Variants in NHSL3 observed in about 807,000 individuals in gnomAD.
The protein encoded by NHSL3 is NHS like 3, also known as NHS-like protein 3.
the NHSL3 span, chr1:32,770,108 C>T: frequency 3.4e-5 from 53 of 1,556,652 alleles, no homozygotes; most frequent in East Asian, 9.0e-5. The surrounding 1 kb of genome is among the most constrained non-coding windows in gnomAD (Gnocchi z 8.3). Context: ...GGCCGGTCCA[C>T]GGGTACCCGG....
chr1:32,751,378 C>T, the NHSL3 span, among the ~76,000 whole-genome samples: 3 of 152,196 alleles, frequency 2.0e-5, no homozygotes, highest in Non-Finnish European at 4.4e-5. Flanking sequence ...CTACAAGCCC[C>T]ACCATCTCCA....
chr1:32,742,132 G>T, the NHSL3 span: 7 of 1,244,498 alleles, frequency 5.6e-6, no homozygotes, highest in Admixed American at 4.2e-5. Context: ...CGAACCGGCC[G>T]CCCCCCGGGC....
chr1:32,754,843 A>G, the NHSL3 span, among the ~76,000 whole-genome samples: 3 of 152,080 alleles, frequency 2.0e-5, no homozygotes, highest in Non-Finnish European at 4.4e-5. Flanking sequence ...GACCGCCTCC[A>G]TCTGGCGCGA....
chr1:32,756,607 C>T, the NHSL3 span, among the ~76,000 whole-genome samples: 3 of 145,474 alleles, frequency 2.1e-5, no homozygotes, highest in Non-Finnish European at 3.0e-5. Flanking sequence ...TGCAGTGAGC[C>T]GATCGTGCCA....
At chr1:32,749,067 G>C in the NHSL3 span, among the ~76,000 whole-genome samples, 3 of 152,150 alleles carry the variant, frequency 2.0e-5, no homozygotes, top group African/African-American at 7.2e-5. Context: ...TGTATAGGGG[G>C]GAAAATACGC....
At chr1:32,748,577 G>T in the NHSL3 span, among the ~76,000 whole-genome samples, 1 of 152,160 alleles carries the variant, frequency 6.6e-6, no homozygotes, top group Admixed American at 6.5e-5. Flanking sequence ...AGGGCCTGGT[G>T]TCAGTGTCAT....
At chr1:32,764,011 C>T in the NHSL3 span, among the ~76,000 whole-genome samples, 180 of 152,294 alleles carry the variant, frequency 1.2e-3, 7 homozygotes, top group East Asian at 0.031. Context: ...AGCTGTGAGT[C>T]ACCACGCCTG....
chr1:32,772,559 G>A, the NHSL3 span: 1 of 1,425,796 alleles, frequency 7.0e-7, no homozygotes, highest in Non-Finnish European at 9.2e-7. Flanking sequence ...GAGAATGCCT[G>A]GGAAGGGCAA....
the NHSL3 span, chr1:32,765,867 A>G: frequency 6.6e-7 from 1 of 1,509,442 alleles, no homozygotes; most frequent in South Asian, 1.2e-5. Flanking sequence ...GGGATGCTCG[A>G]TGCCTCCCTT....
chr1:32,772,287 C>T, the NHSL3 span: 23 of 1,592,414 alleles, frequency 1.4e-5, no homozygotes, highest in Middle Eastern at 1.7e-4. Flanking sequence ...TCCCCCCACC[C>T]GCCTCCCCCA....
chr1:32,765,865 C>G, the NHSL3 span: 3 of 1,497,408 alleles, frequency 2.0e-6, no homozygotes, highest in Non-Finnish European at 2.7e-6. Flanking sequence ...GAGGGATGCT[C>G]GATGCCTCCC....
chr1:32,774,778 T>C, the NHSL3 span: 1 of 152,604 alleles, frequency 6.6e-6, no homozygotes, highest in Admixed American at 6.5e-5. Context: ...CTAGAGTAAA[T>C]GGAGAGACCA....
the NHSL3 span, among the ~76,000 whole-genome samples, chr1:32,755,477 C>A: frequency 5.9e-5 from 9 of 152,272 alleles, no homozygotes; most frequent in African/African-American, 2.2e-4. Context: ...GACCTCTCCT[C>A]TCAATGAGGC....
the NHSL3 span, chr1:32,769,947 C>A: frequency 3.5e-4 from 561 of 1,607,634 alleles, 3 homozygotes; most frequent in East Asian, 9.3e-3. Flanking sequence ...CCGTACGCAT[C>A]CCCACAGTGG....
chr1:32,771,806 C>A, the NHSL3 span: 41 of 1,612,778 alleles, frequency 2.5e-5, no homozygotes, highest in African/African-American at 5.2e-4. Flanking sequence ...GACGTAGGTG[C>A]GCCCCTGGTC....
At chr1:32,757,421 A>T in the NHSL3 span, among the ~76,000 whole-genome samples, 1 of 148,394 alleles carries the variant, frequency 6.7e-6, no homozygotes, top group Admixed American at 6.7e-5. Flanking sequence ...GGGAGAGGTG[A>T]TGAGGTGAGG....
chr1:32,771,704 C>T, the NHSL3 span: 7 of 1,612,726 alleles, frequency 4.3e-6, no homozygotes, highest in Non-Finnish European at 5.9e-6. Context: ...CCGCCAGCCC[C>T]AGCTCCTGCT....
the NHSL3 span, chr1:32,772,019 T>C: frequency 3.1e-6 from 5 of 1,603,898 alleles, no homozygotes; most frequent in Non-Finnish European, 4.3e-6. Context: ...AGTGAAGGCC[T>C]CTCAAGTGCT....
chr1:32,767,579 G>T, the NHSL3 span, among the ~76,000 whole-genome samples: 18 of 152,012 alleles, frequency 1.2e-4, no homozygotes, highest in African/African-American at 4.4e-4. Context: ...TGTACACTTG[G>T]GTGTAGTTTG....
Sources: allele counts gnomAD v4.1 joint callset (sites outside exome capture counted in the v4.1 genomes callset), GRCh38; gene constraint gnomAD v4.1.1; non-coding constraint Gnocchi (gnomAD v3.1); transcripts MANE v1.5; gene names NCBI Gene and HGNC (gene_info 2026-07-23, HGNC 2026-07-21).